The following TMEM154 variants were observed in gnomAD, a reference collection of about 807,000 sequenced individuals.
TMEM154 encodes the protein transmembrane protein 154.
TMEM154 carries 27 observed loss-of-function variants against 24.5 expected under a neutral mutation model. The observed-to-expected ratio is 1.10, with a 90% CI of 0.81 to 1.52. TMEM154 has a LOEUF of 1.52. Ranked by LOEUF, TMEM154 falls within the 40% of genes most tolerant of loss-of-function variation. TMEM154 has a pLI of 0.00. For missense variants in TMEM154, 228 were observed against 213.4 expected, an observed-to-expected ratio of 1.07 and a Z score of -0.43; for synonymous variants, 67 against 76.8, an observed-to-expected ratio of 0.87 and a Z score of 0.67.
rs1311577419 is a variant in TMEM154, at chr4:152,622,236, T to C, written c.*6310A>G. The C allele has an allele frequency of 1.3e-5, 2 of 152,270 alleles. No homozygotes were observed. The allele number at this position is 152,270 out of a possible 1,614,324, so 9.4% of individuals were successfully genotyped here. A position where few individuals can be genotyped will look rare whatever the true frequency, so the allele number is the denominator to read the frequency against. On this transcript the variant is annotated 3_prime_UTR_variant, in exon 7 of 7. Coordinates refer to ENST00000304385, the MANE Select transcript of TMEM154 (RefSeq NM_152680.3). ...AATGTGTAATAATATATTTTAGATA[T>C]GCAGAAAGTCTACTTAATTTTTAGG...
intron 3 of TMEM154, among the ~76,000 whole-genome samples, chr4:152,648,749 A>G (rs75119604): frequency 0.011 from 1,621 of 152,324 alleles, 31 homozygotes; most frequent in African/African-American, 0.037. Context: ...ATGAAATTCA[A>G]TGAAAAATCA....
chr4:152,653,821 C>T (rs1219250390), intron 1 of TMEM154, among the ~76,000 whole-genome samples: 2 of 151,344 alleles, frequency 1.3e-5, no homozygotes, highest in South Asian at 4.2e-4. Flanking sequence ...GGCAGATCAC[C>T]TGAGGTCAGG....
intron 1 of TMEM154, among the ~76,000 whole-genome samples, chr4:152,660,384 C>T (rs763177998): frequency 1.3e-5 from 2 of 151,702 alleles, no homozygotes; most frequent in African/African-American, 4.9e-5. Context: ...CCGCCCCCCC[C>T]TCACTTTACT....
intron 5 of TMEM154, 57 bp downstream of exon 5, chr4:152,643,031 T>C: frequency 7.9e-7 from 1 of 1,269,552 alleles, no homozygotes; most frequent in Non-Finnish European, 1.1e-6. Flanking sequence ...ATAAAGCTGT[T>C]GCAGCCTTCT....
chr4:152,638,995 G>A (rs1237951174), intron 6 of TMEM154, among the ~76,000 whole-genome samples: 1 of 151,942 alleles, frequency 6.6e-6, no homozygotes, highest in Non-Finnish European at 1.5e-5. Context: ...TTGTTGCCTA[G>A]GCTGGAGTGC....
intron 1 of TMEM154, chr4:152,666,228 G>A (rs1219432414): frequency 6.6e-6 from 1 of 152,182 alleles, no homozygotes; most frequent in Admixed American, 6.5e-5. Context: ...CATTTGCTGT[G>A]CATCAGCGTC....
Position 152,675,393 on chromosome 4 carries a change from C to T in TMEM154, c.64+4477G>A, listed in dbSNP as rs368561606. Among the ~76,000 whole-genome samples the T allele has an allele frequency of 1.8e-3, 278 of 152,156 alleles. 7 individuals are homozygous for T. In the South Asian group the frequency reaches 0.054, roughly 29 times the overall value. On this transcript the variant is annotated intron_variant, in intron 1 of 6. Coordinates refer to ENST00000304385, the MANE Select transcript of TMEM154 (RefSeq NM_152680.3). Reference sequence around the variant, plus strand: ...CTGTAATCTTAGCACTTTGGGAGGCCGAGGAGGGTGGATCTCCTGCGGTCG... The same window carrying T: ...CTGTAATCTTAGCACTTTGGGAGGCTGAGGAGGGTGGATCTCCTGCGGTCG...
At chr4:152,649,997 G>A (rs1404442092) in intron 3 of TMEM154, among the ~76,000 whole-genome samples, 2 of 152,180 alleles carry the variant, frequency 1.3e-5, no homozygotes, top group African/African-American at 4.8e-5. Flanking sequence ...TTCATTGCTA[G>A]AAAATGCTAA....
rs1175713308 is a variant in TMEM154, at chr4:152,627,763, G to A, written c.*783C>T. 6.6e-6 allele frequency: 1 copy of A among 152,208 alleles called. No individual in the cohort carries two copies. The highest frequency in any genetic ancestry group is 1.5e-5 in the Non-Finnish European group (1 of 68,048). The allele number at this position is 152,208 out of a possible 1,614,324, so 9.4% of individuals were successfully genotyped here. On this transcript the variant is annotated 3_prime_UTR_variant, in exon 7 of 7. Transcript: ENST00000304385. ...TACCTACATGTCACATCCAAGGGAG[G>A]TATGGTGAAACAAGTGTGAGCTTTG...
In TMEM154 at chr4:152,624,778, C is replaced by G. The variant is rs866324382; in HGVS notation, c.*3768G>C. 9 of 152,310 alleles carry G rather than the reference C, an allele frequency of 5.9e-5. No individual in the cohort carries two copies. Among genetic ancestry groups the G allele is most frequent in the Middle Eastern group, 6.8e-3 (2 of 294 alleles). 9.4% of individuals were successfully genotyped at this position (152,310 alleles called of 1,614,324 possible). On this transcript the variant is annotated 3_prime_UTR_variant, in exon 7 of 7. Transcript: ENST00000304385. ...GGGTTCTGCAATTTGAAATATTCCA[C>G]TAGACACTAATATACAGGAACTCTT...
In TMEM154 at chr4:152,633,236, G is replaced by A. The variant is rs979937923; in HGVS notation, c.537-4675C>T. Among the ~76,000 whole-genome samples, 8 of 152,288 alleles carry A rather than the reference G, an allele frequency of 5.3e-5. No individual in the cohort carries two copies. In the South Asian group the frequency reaches 1.0e-3, roughly 20 times the overall value. On this transcript the variant is annotated intron_variant, in intron 6 of 6. Coordinates refer to ENST00000304385, the MANE Select transcript of TMEM154 (RefSeq NM_152680.3). ...GCCCACTGCCACAGCTCTGTGGACC[G>A]TGAGCAACGGACAAAGCTCTGCTAC... is the stretch of plus-strand genomic sequence containing the variant.
chr4:152,673,426 G>A (rs1728887617), intron 1 of TMEM154, among the ~76,000 whole-genome samples: 2 of 152,046 alleles, frequency 1.3e-5, no homozygotes, highest in Non-Finnish European at 2.9e-5. Context: ...TTAGCCTCCC[G>A]AGTAGCTGGG....
intron 1 of TMEM154, chr4:152,669,462 CTAAA>C (rs969608798): frequency 1.3e-5 from 2 of 151,808 alleles, no homozygotes; most frequent in African/African-American, 2.4e-5. Context: ...AATATTTGTA[CTAAA>C]TACTTATACT....
intron 1 of TMEM154, among the ~76,000 whole-genome samples, chr4:152,672,363 C>T (rs1376369700): frequency 6.6e-6 from 1 of 152,156 alleles, no homozygotes; most frequent in African/African-American, 2.4e-5. Flanking sequence ...TAACCAAACA[C>T]TGGAAAGAAG....
intron 5 of TMEM154, among the ~76,000 whole-genome samples, chr4:152,642,764 A>G (rs560514824): frequency 1.4e-4 from 22 of 152,320 alleles, no homozygotes; most frequent in Middle Eastern, 3.4e-3. Context: ...GTAGATCTTT[A>G]AATTCTGTAA....
At chr4:152,653,712 G>A (rs1419112687) in intron 1 of TMEM154, among the ~76,000 whole-genome samples, 1 of 151,958 alleles carries the variant, frequency 6.6e-6, no homozygotes, top group African/African-American at 2.4e-5. Flanking sequence ...TTAAATAAAA[G>A]GTTACCTATC....
At chr4:152,633,131 G>T (rs1278569942) in intron 6 of TMEM154, among the ~76,000 whole-genome samples, 2 of 151,992 alleles carry the variant, frequency 1.3e-5, no homozygotes, top group African/African-American at 4.8e-5. Context: ...CATTTTGAAG[G>T]CTCACTGTGG....
At chr4:152,663,622 G>A (rs1343169761) in intron 1 of TMEM154, among the ~76,000 whole-genome samples, 1 of 152,178 alleles carries the variant, frequency 6.6e-6, no homozygotes, top group South Asian at 2.1e-4. Flanking sequence ...TCAAGTGACC[G>A]CAACACAAAC....
At chr4:152,669,638 TAGAAA>T (rs1728787471) in intron 1 of TMEM154, 1 of 152,214 alleles carries the variant, frequency 6.6e-6, no homozygotes, top group Non-Finnish European at 1.5e-5. Context: ...GTATAAGTCT[TAGAAA>T]AGAATAAATC....
Sources: gnomAD v4.1 joint callset for allele counts (sites outside exome capture counted in the v4.1 genomes callset) on GRCh38, gnomAD v4.1.1 for gene constraint, MANE v1.5 for transcripts, NCBI Gene and HGNC (gene_info 2026-07-23, HGNC 2026-07-21) for gene names.